CDK19: variants seen among roughly 807,000 people sequenced by gnomAD.
CDK19 encodes cyclin dependent kinase 19, also known as cyclin-dependent kinase 19.
A neutral mutation model predicts 68.3 loss-of-function variants in CDK19; 20 were observed. That is an observed-to-expected ratio of 0.29 (90% CI 0.21 to 0.43). The LOEUF is 0.43. Ranked by LOEUF, CDK19 falls within the 20% of genes least tolerant of loss-of-function variation. CDK19 has a pLI of 1.00. For missense variants in CDK19, 339 were observed against 623.5 expected (o/e 0.54, Z 4.86); for synonymous variants, 221 against 222.8 (o/e 0.99, Z 0.07).
At position 110,806,102 on chromosome 6, in the gene CDK19, G is replaced by A. The variant is rs192946222; in HGVS notation, c.128+8907C>T. On this transcript the variant is annotated intron_variant, in intron 1 of 12. Coordinates refer to ENST00000368911, the MANE Select transcript of CDK19 (RefSeq NM_015076.5). ...CGCTTGTAATCCCAGCACTTTGGGA[G>A]GCCGAGGTGGGCAGATCACCTGAGG... Among the ~76,000 whole-genome samples, 368 of 152,254 alleles carry A rather than the reference G, an allele frequency of 2.4e-3. 5 individuals carry two copies. The highest frequency in any genetic ancestry group is 0.022 in the Admixed American group (330 of 15,288).
At chr6:110,648,484 A>G (rs2114848413) in intron 4 of CDK19, among the ~76,000 whole-genome samples, 1 of 152,018 alleles carries the variant, frequency 6.6e-6, no homozygotes, top group South Asian at 2.1e-4. Context: ...GAATAAATAT[A>G]TCAAAGAATG....
At chr6:110,646,000 G>T in intron 4 of CDK19, 2 of 1,099,694 alleles carry the variant, frequency 1.8e-6, no homozygotes, top group Non-Finnish European at 2.7e-6. Context: ...AAGTATCTGG[G>T]CAAGCAGGGT....
intron 4 of CDK19, among the ~76,000 whole-genome samples, chr6:110,652,092 C>T (rs1206101661): frequency 6.6e-6 from 1 of 151,238 alleles, no homozygotes; most frequent in Non-Finnish European, 1.5e-5. Flanking sequence ...AACAAACAAA[C>T]AACAACAACA....
In CDK19 at chr6:110,667,593, C is replaced by A. The variant is rs9398242; in HGVS notation, c.316-19G>T. ...TAATATGCTAAAAATTAAAAAAAAACATAATAATATAGTCTTTGCTAATAT... is the reference window on the plus strand; with the variant it reads ...TAATATGCTAAAAATTAAAAAAAAAAATAATAATATAGTCTTTGCTAATAT... On this transcript the variant is annotated intron_variant, in intron 3 of 12. Transcript: ENST00000368911. 199,694 of 1,313,336 alleles carry A rather than the reference C, an allele frequency of 0.15. 16,876 individuals carry two copies. Among genetic ancestry groups the A allele is most frequent in the East Asian group, 0.29 (11,498 of 39,112 alleles). 81.4% of individuals were successfully genotyped at this position (1,313,336 alleles called of 1,614,324 possible). A position where few individuals can be genotyped will look rare whatever the true frequency, so the allele number is the denominator to read the frequency against.
At chr6:110,653,728 CAG>C (rs1187567453) in intron 4 of CDK19, among the ~76,000 whole-genome samples, 1 of 152,196 alleles carries the variant, frequency 6.6e-6, no homozygotes, top group African/African-American at 2.4e-5. Flanking sequence ...TATGATTACT[CAG>C]AAGCTACTCC....
intron 1 of CDK19, among the ~76,000 whole-genome samples, chr6:110,781,696 T>C (rs1423707890): frequency 6.6e-6 from 1 of 151,812 alleles, no homozygotes; most frequent in Non-Finnish European, 1.5e-5. Context: ...ATACAAAAAT[T>C]AGCCAGGCGT....
At chr6:110,781,930 C>T (rs577832343) in intron 1 of CDK19, among the ~76,000 whole-genome samples, 1 of 130,852 alleles carries the variant, frequency 7.6e-6, no homozygotes, top group Non-Finnish European at 1.6e-5. Context: ...AAGTGGCTCC[C>T]TCACCGCAAT....
chr6:110,755,291 T>C (rs1277828424), intron 1 of CDK19, among the ~76,000 whole-genome samples: 3 of 152,088 alleles, frequency 2.0e-5, no homozygotes, highest in African/African-American at 7.2e-5. Context: ...CCCGCTTGCC[T>C]CACCTCCCAA....
chr6:110,755,563 C>T (rs1369196436), intron 1 of CDK19, among the ~76,000 whole-genome samples: 1 of 152,086 alleles, frequency 6.6e-6, no homozygotes. Flanking sequence ...GAGGAAAGGA[C>T]AGGGCCTTAT....
At chr6:110,748,694 A>G (rs1189435832) in intron 1 of CDK19, among the ~76,000 whole-genome samples, 1 of 152,174 alleles carries the variant, frequency 6.6e-6, no homozygotes, top group Non-Finnish European at 1.5e-5. Context: ...CTGAAGACAA[A>G]ACATGCATCC....
At chr6:110,815,515 A>C, upstream of CDK19, 1 of 165,982 alleles carries the variant, frequency 6.0e-6, no homozygotes, top group Non-Finnish European at 1.3e-5. Context: ...GAAGTCGCGA[A>C]GGCCTCAGCG....
At chr6:110,712,400 G>A (rs1344168545) in intron 2 of CDK19, among the ~76,000 whole-genome samples, 1 of 152,108 alleles carries the variant, frequency 6.6e-6, no homozygotes, top group South Asian at 2.1e-4. Flanking sequence ...TATGTTCTAC[G>A]TTGGATAGAA....
chr6:110,787,171 G>A (rs1246457851), intron 1 of CDK19, among the ~76,000 whole-genome samples: 3 of 152,074 alleles, frequency 2.0e-5, no homozygotes, highest in Non-Finnish European at 4.4e-5. Flanking sequence ...TCAGGAGTTC[G>A]AGACCAGCCT....
At chr6:110,631,865 A>G (rs533052899) in intron 6 of CDK19, among the ~76,000 whole-genome samples, 165 bp downstream of exon 6, 2 of 152,368 alleles carry the variant, frequency 1.3e-5, no homozygotes, top group East Asian at 3.9e-4. Flanking sequence ...ATATTCTCCT[A>G]TACAGTTAAC....
At chr6:110,813,688 G>C (rs548816253) in intron 1 of CDK19, 1 of 147,256 alleles carries the variant, frequency 6.8e-6, no homozygotes, top group East Asian at 2.2e-4. Context: ...CAATTTTCAC[G>C]ATACCTTATG....
chr6:110,717,185 AT>A (rs982849931), intron 2 of CDK19, among the ~76,000 whole-genome samples: 1 of 151,572 alleles, frequency 6.6e-6, no homozygotes, highest in Admixed American at 6.6e-5. Context: ...GGCTTGCTTT[AT>A]TTTTTTATAC....
In CDK19 at chr6:110,755,125, C is replaced by T. The variant is rs1778750064; in HGVS notation, c.129-8924G>A. Among the ~76,000 whole-genome samples the T allele has an allele frequency of 2.0e-5, 3 of 151,494 alleles. No individual in the cohort carries two copies. In the South Asian group the frequency reaches 6.3e-4, roughly 32 times the overall value. On this transcript the variant is annotated intron_variant, in intron 1 of 12. Transcript: ENST00000368911. ...GCACAATCTCAACTCACTACAACCTCCGCCTCCCAGGTTCAAGCTATTCTG... is the reference window on the plus strand; with the variant it reads ...GCACAATCTCAACTCACTACAACCTTCGCCTCCCAGGTTCAAGCTATTCTG...
chr6:110,803,661 T>C (rs1314750907), intron 1 of CDK19, among the ~76,000 whole-genome samples: 1 of 152,198 alleles, frequency 6.6e-6, no homozygotes, highest in Admixed American at 6.5e-5. Flanking sequence ...ACTCTTAAAA[T>C]GCAATTACAA....
intron 4 of CDK19, 71 bp downstream of exon 4, chr6:110,667,362 AC>A: frequency 1.0e-6 from 1 of 1,001,620 alleles, no homozygotes; most frequent in Non-Finnish European, 1.5e-6. Context: ...TTATAATGGT[AC>A]CAAGAAGAAA....
Sources: allele counts gnomAD v4.1 joint callset (sites outside exome capture counted in the v4.1 genomes callset), GRCh38; gene constraint gnomAD v4.1.1; transcripts MANE v1.5; gene names NCBI Gene and HGNC (gene_info 2026-07-23, HGNC 2026-07-21).